The following SCD variants were observed in gnomAD, a reference collection of about 807,000 sequenced individuals.
SCD encodes acyl-CoA desaturase.
A neutral mutation model predicts 35.7 loss-of-function variants in SCD; 4 were observed. The observed-to-expected ratio is 0.11, with a 90% CI of 0.06 to 0.26. The LOEUF (loss-of-function observed/expected upper bound fraction) is 0.26, where lower values mean the gene tolerates loss of function less well. Ranked by LOEUF, SCD falls within the 10% of genes least tolerant of loss-of-function variation. The pLI is 1.00. For missense variants in SCD, 282 were observed against 460.7 expected (o/e 0.61, Z 3.55); for synonymous variants, 150 against 170.2 (o/e 0.88, Z 0.92).
rs1446366326 is a variant in SCD at position 100,360,721 on chromosome 10, G to A, written c.881-13G>A. The A allele has an allele frequency of 1.5e-5, 25 of 1,613,066 alleles. No individual in the cohort carries two copies. The highest frequency in any genetic ancestry group is 2.0e-5 in the Non-Finnish European group (23 of 1,179,426). ...ATGCACCGTCACTCCATAACTTCTC[G>A]CTTTTGTTTCAGGTGAGGGCTTCCA... On this transcript the variant is annotated splice_polypyrimidine_tract_variant and intron_variant, in intron 5 of 5. Coordinates refer to ENST00000370355, the MANE Select transcript of SCD (RefSeq NM_005063.5).
In SCD at chr10:100,361,003, A is replaced by G. The variant is rs139597468; in HGVS notation, c.*70A>G. 2,843 of 1,245,742 alleles carry G rather than the reference A, an allele frequency of 2.3e-3. 5 individuals are homozygous for G. The highest frequency in any genetic ancestry group is 2.9e-3 in the Non-Finnish European group (2,523 of 865,394). The allele number at this position is 1,245,742 out of a possible 1,614,324, so 77.2% of individuals were successfully genotyped here. A position where few individuals can be genotyped will look rare whatever the true frequency, so the allele number is the denominator to read the frequency against. On this transcript the variant is annotated 3_prime_UTR_variant, in exon 6 of 6. Coordinates refer to ENST00000370355, the MANE Select transcript of SCD (RefSeq NM_005063.5). ...AGGTTTTAATGTCTGTTTATTAACT[A>G]CTGAATAATGCTACCAGGATGCTAA...
chr10:100,361,184 T>G lies in SCD; in HGVS notation c.*251T>G. The G allele has an allele frequency of 2.1e-6, 1 of 480,642 alleles. No homozygotes were observed. The highest frequency in any genetic ancestry group is 2.4e-5 in the South Asian group (1 of 41,708). 29.8% of individuals were successfully genotyped at this position (480,642 alleles called of 1,614,324 possible). On this transcript the variant is annotated 3_prime_UTR_variant, in exon 6 of 6. Coordinates refer to ENST00000370355, the MANE Select transcript of SCD (RefSeq NM_005063.5). ...ATTGTCCTCCTTTTCACTTTATTGC[T>G]ATCGCCCTCCTTTCCCTTATTGCCT...
Position 100,356,092 on chromosome 10 carries a change from A to C in SCD, c.648-440A>C, listed in dbSNP as rs534396327. On this transcript the variant is annotated intron_variant, in intron 4 of 5. Coordinates refer to ENST00000370355, the MANE Select transcript of SCD (RefSeq NM_005063.5). This position sits in a 1 kb window ranked among gnomAD's most constrained non-coding sequence, Gnocchi z 4.1. Reference sequence around the variant, plus strand: ...ATTATGCTCTAGTAAAAAGTCAGCGATGGCCGGGCATGGTGGCTCATGCCC... The same window carrying C: ...ATTATGCTCTAGTAAAAAGTCAGCGCTGGCCGGGCATGGTGGCTCATGCCC... Among the ~76,000 whole-genome samples the C allele has an allele frequency of 1.1e-3, 165 of 152,260 alleles. No homozygotes were observed. The highest frequency in any genetic ancestry group is 2.1e-3 in the Non-Finnish European group (143 of 68,026).
chr10:100,347,451 T>C lies in SCD; in HGVS notation c.-54T>C. On this transcript the variant is annotated 5_prime_UTR_variant, in exon 1 of 6. Coordinates refer to ENST00000370355, the MANE Select transcript of SCD (RefSeq NM_005063.5). ...CCGCAGTCCTCCGGCGACCCCGAAC[T>C]CCGCTCCGGAGCCTCAGCCCCCTGG... The C allele has an allele frequency of 2.5e-6, 4 of 1,603,652 alleles. No homozygotes were observed. The highest frequency in any genetic ancestry group is 3.4e-6 in the Non-Finnish European group (4 of 1,174,806).
chr10:100,352,349 C>T lies in SCD; in HGVS notation c.311-17C>T. 1.2e-6 allele frequency: 2 copies of T among 1,612,076 alleles called. No individual in the cohort carries two copies. Among genetic ancestry groups the T allele is most frequent in the Non-Finnish European group, 1.7e-6 (2 of 1,179,424 alleles). ...CTCACACTGATTGGTGACTCCCCCA[C>T]TGTCTTCTCCTGGCAGGGGTATTCT... On this transcript the variant is annotated splice_polypyrimidine_tract_variant and intron_variant, in intron 2 of 5. Coordinates refer to ENST00000370355, the MANE Select transcript of SCD (RefSeq NM_005063.5). The surrounding 1 kb of genome is among the most constrained non-coding windows in gnomAD (Gnocchi z 4.2).
At position 100,347,354 on chromosome 10, in the gene SCD, A is replaced by G. The variant is rs201135495; in HGVS notation, c.-151A>G. The stretch of plus-strand genomic sequence containing the variant: ...ATTCCCGGCTCGGGGACCTCCACGC[A>G]CCGCGGCTAGCGCCGACAACCAGCT... On this transcript the variant is annotated 5_prime_UTR_variant, in exon 1 of 6. Coordinates refer to ENST00000370355, the MANE Select transcript of SCD (RefSeq NM_005063.5). The G allele has an allele frequency of 3.5e-6, 3 of 847,524 alleles. No homozygotes were observed. The highest frequency in any genetic ancestry group is 2.9e-5 in the South Asian group (2 of 69,314). The allele number at this position is 847,524 out of a possible 1,614,324, so 52.5% of individuals were successfully genotyped here. A position where few individuals can be genotyped will look rare whatever the true frequency, so the allele number is the denominator to read the frequency against.
At position 100,352,103 on chromosome 10, in the gene SCD, C is replaced by T. The variant is rs1849878173; in HGVS notation, c.311-263C>T. On this transcript the variant is annotated intron_variant, in intron 2 of 5. Coordinates refer to ENST00000370355, the MANE Select transcript of SCD (RefSeq NM_005063.5). The surrounding 1 kb of genome is among the most constrained non-coding windows in gnomAD (Gnocchi z 4.2). The stretch of plus-strand genomic sequence containing the variant: ...AGATGAAGAATGAGTGGTAAGAGCA[C>T]TATTCTCTCTCCTGCCTTTCTGACT... 6.6e-6 allele frequency among the ~76,000 whole-genome samples: 1 copy of T among 152,158 alleles called. No individual in the cohort carries two copies.
chr10:100,351,359 T>G (rs1849870868), intron 2 of SCD, among the ~76,000 whole-genome samples: 2 of 151,542 alleles, frequency 1.3e-5, no homozygotes, highest in South Asian at 2.1e-4. Flanking sequence ...CCGGTGAGAG[T>G]ATGGGCTGAC....
Position 100,364,584 on chromosome 10 carries a change from T to C in SCD, c.*3651T>C, listed in dbSNP as rs1171800486. On this transcript the variant is annotated 3_prime_UTR_variant, in exon 6 of 6. Coordinates refer to ENST00000370355, the MANE Select transcript of SCD (RefSeq NM_005063.5). ...TTCTCCAAGAAACTGAATGAATCCATTGGAGAAGCGGTGGATAACTAGCCA... is the reference window on the plus strand; with the variant it reads ...TTCTCCAAGAAACTGAATGAATCCACTGGAGAAGCGGTGGATAACTAGCCA... The C allele has an allele frequency of 4.6e-5, 7 of 152,576 alleles. No homozygotes were observed. The highest frequency in any genetic ancestry group is 1.0e-4 in the Non-Finnish European group (7 of 68,042). 9.5% of individuals were successfully genotyped at this position (152,576 alleles called of 1,614,324 possible).
intron 3 of SCD, among the ~76,000 whole-genome samples, chr10:100,353,649 A>G (rs915689715): frequency 9.2e-5 from 14 of 152,064 alleles, no homozygotes; most frequent in East Asian, 3.9e-4. Context: ...GGAATGCATC[A>G]TAGTCATTAA....
chr10:100,353,147 C>A (rs1161954789), intron 3 of SCD, among the ~76,000 whole-genome samples: 1 of 152,132 alleles, frequency 6.6e-6, no homozygotes, highest in East Asian at 1.9e-4. Flanking sequence ...ATAAAGTCCT[C>A]ACAAAAATCT....
At chr10:100,354,171 A>G (rs1477016730) in intron 3 of SCD, among the ~76,000 whole-genome samples, 2 of 152,200 alleles carry the variant, frequency 1.3e-5, no homozygotes, top group Non-Finnish European at 2.9e-5. Context: ...CCTCCGTTCC[A>G]CCCACCATAT....
Position 100,362,183 on chromosome 10 carries a change from C to G in SCD, c.*1250C>G, listed in dbSNP as rs901028219. Reference sequence around the variant, plus strand: ...GCTGAGGGACAGGATCTATAGGCAGCTTCTAAGAGCGAACTTCACATAGGA... The same window carrying G: ...GCTGAGGGACAGGATCTATAGGCAGGTTCTAAGAGCGAACTTCACATAGGA... On this transcript the variant is annotated 3_prime_UTR_variant, in exon 6 of 6. Coordinates refer to ENST00000370355, the MANE Select transcript of SCD (RefSeq NM_005063.5). The G allele has an allele frequency of 2.0e-5, 3 of 152,194 alleles. No homozygotes were observed. The highest frequency in any genetic ancestry group is 7.2e-5 in the African/African-American group (3 of 41,440). 9.4% of individuals were successfully genotyped at this position (152,194 alleles called of 1,614,324 possible). A position where few individuals can be genotyped will look rare whatever the true frequency, so the allele number is the denominator to read the frequency against.
chr10:100,354,291 CTCCTTTGGAGCCCAGAT>C, intron 3 of SCD, 119 bp from the exon 4 acceptor site: 2 of 758,336 alleles, frequency 2.6e-6, no homozygotes, highest in Non-Finnish European at 4.3e-6. Context: ...AACTCCATGA[CTCCTTTGGAGCCCAGAT>C]TCCTGGGTAT....
chr10:100,357,434 A>C (rs1849939484), intron 5 of SCD, among the ~76,000 whole-genome samples: 1 of 152,160 alleles, frequency 6.6e-6, no homozygotes, highest in South Asian at 2.1e-4. Context: ...TATGAAGGGC[A>C]TCAAAATAAC....
chr10:100,359,430 CT>C (rs372721098), intron 5 of SCD, among the ~76,000 whole-genome samples: 4 of 151,662 alleles, frequency 2.6e-5, no homozygotes, highest in Non-Finnish European at 5.9e-5. Flanking sequence ...TGACCCTCTT[CT>C]TTTTTTTTCC....
intron 2 of SCD, among the ~76,000 whole-genome samples, chr10:100,348,884 C>T (rs1849840256): frequency 1.3e-5 from 2 of 152,176 alleles, no homozygotes; most frequent in Admixed American, 1.3e-4. Context: ...CTTGGCCAGA[C>T]CAGGCTTCTT....
chr10:100,356,490 G>C lies in SCD; in HGVS notation c.648-42G>C, dbSNP rs1416936435. On this transcript the variant is annotated intron_variant, in intron 4 of 5. Coordinates refer to ENST00000370355, the MANE Select transcript of SCD (RefSeq NM_005063.5). The surrounding 1 kb of genome is among the most constrained non-coding windows in gnomAD (Gnocchi z 4.1). ...AGTGTGGAAGATCCATGTAGGTGTG[G>C]AGTCCCCCTCCATTGACCTGGTGTC... 1 of 1,435,146 alleles carries C rather than the reference G, an allele frequency of 7.0e-7. No homozygotes were observed. Among genetic ancestry groups the C allele is most frequent in the Non-Finnish European group, 9.8e-7 (1 of 1,017,282 alleles). 88.9% of individuals were successfully genotyped at this position (1,435,146 alleles called of 1,614,324 possible).
Position 100,347,348 on chromosome 10 carries a change from C to A in SCD, c.-157C>A. On this transcript the variant is annotated 5_prime_UTR_variant, in exon 1 of 6. Coordinates refer to ENST00000370355, the MANE Select transcript of SCD (RefSeq NM_005063.5). ...CTTTAAATTCCCGGCTCGGGGACCT[C>A]CACGCACCGCGGCTAGCGCCGACAA... 2.5e-6 allele frequency: 2 copies of A among 803,152 alleles called. No homozygotes were observed. The highest frequency in any genetic ancestry group is 2.1e-6 in the Non-Finnish European group (1 of 470,592). 49.8% of individuals were successfully genotyped at this position (803,152 alleles called of 1,614,324 possible). A position where few individuals can be genotyped will look rare whatever the true frequency, so the allele number is the denominator to read the frequency against.
Sources: gnomAD v4.1 joint callset for allele counts (sites outside exome capture counted in the v4.1 genomes callset) on GRCh38, gnomAD v4.1.1 for gene constraint, Gnocchi (gnomAD v3.1) non-coding constraint, MANE v1.5 for transcripts, NCBI Gene and HGNC (gene_info 2026-07-23, HGNC 2026-07-21) for gene names.